CDC42EP2: variants seen among roughly 807,000 people sequenced by gnomAD.
The protein encoded by CDC42EP2 is CDC42 effector protein 2.
Under a neutral mutation model 7.3 loss-of-function variants are expected in CDC42EP2, and 5 were observed. The observed-to-expected ratio is 0.68, with a 90% CI of 0.36 to 1.44. The LOEUF is 1.44. CDC42EP2 is among the 40% of genes most tolerant of loss of function. The probability of loss-of-function intolerance (pLI) is 0.04; values close to 1 mark genes in which losing one functional copy is unlikely to be tolerated. For synonymous variants in CDC42EP2, 113 were observed against 123.6 expected, an observed-to-expected ratio of 0.91 and a Z score of 0.57; for missense variants, 251 against 282.6, an observed-to-expected ratio of 0.89 and a Z score of 0.80.
intron 1 of CDC42EP2, among the ~76,000 whole-genome samples, chr11:65,316,643 T>TCTGTA (rs1949949282): frequency 6.6e-6 from 1 of 152,110 alleles, no homozygotes; most frequent in South Asian, 2.1e-4. Context: ...AGCTTCGACT[T>TCTGTA]CTGTAAAGGG....
chr11:65,318,625 G>A (rs1175408286), intron 1 of CDC42EP2, among the ~76,000 whole-genome samples: 40 of 151,818 alleles, frequency 2.6e-4, no homozygotes, highest in Admixed American at 2.4e-3. Context: ...GGGTTTCACC[G>A]TGTTAGCCAG....
intron 1 of CDC42EP2, among the ~76,000 whole-genome samples, chr11:65,318,028 A>G (rs1565509773): frequency 1.3e-5 from 2 of 151,798 alleles, no homozygotes; most frequent in Admixed American, 1.3e-4. Context: ...ACCCTAGTCA[A>G]GGTAGCCCAT....
Position 65,321,077 on chromosome 11 carries a change from G to A in CDC42EP2, c.179G>A (p.Gly60Asp), listed in dbSNP as rs1469419581. The change falls in exon 2 of 2, where the codon GGC becomes GAC. Residue 60 changes from glycine (G) to aspartate (D), a missense_variant. Transcript: ENST00000279249. The surrounding 1 kb of genome is among the most constrained non-coding windows in gnomAD (Gnocchi z 4.4). ...TTTGGCGACATCTCCTTCCTGCAGGGCAAGTTCCACCTCCTGCCGGGGACC... is the reference window on the plus strand; with the variant it reads ...TTTGGCGACATCTCCTTCCTGCAGGACAAGTTCCACCTCCTGCCGGGGACC... Reference protein sequence around the residue: ...DMFGDISFLQGKFHLLPGTMV... With the variant: ...DMFGDISFLQDKFHLLPGTMV... 1 of 1,614,138 alleles carries A rather than the reference G, an allele frequency of 6.2e-7. No homozygotes were observed. The highest frequency in any genetic ancestry group is 1.1e-5 in the South Asian group (1 of 91,084).
intron 1 of CDC42EP2, among the ~76,000 whole-genome samples, chr11:65,316,699 A>C (rs1354908467): frequency 6.6e-6 from 1 of 152,112 alleles, no homozygotes; most frequent in South Asian, 2.1e-4. Flanking sequence ...TAAGATGAGA[A>C]ACTGTGCGTG....
chr11:65,318,096 A>AT (rs1177378352), intron 1 of CDC42EP2, among the ~76,000 whole-genome samples: 5 of 139,750 alleles, frequency 3.6e-5, no homozygotes, highest in Admixed American at 2.2e-4. Flanking sequence ...TTTTTTTTTA[A>AT]TTTTTTTTAT....
rs1949944774 is a variant in CDC42EP2 at position 65,315,766 on chromosome 11, G to A, written c.-356+812G>A. 1.3e-5 allele frequency among the ~76,000 whole-genome samples: 2 copies of A among 152,194 alleles called. No homozygotes were observed. The highest frequency in any genetic ancestry group is 6.5e-5 in the Admixed American group (1 of 15,288). On this transcript the variant is annotated intron_variant, in intron 1 of 1. Transcript: ENST00000279249. This position sits in a 1 kb window ranked among gnomAD's most constrained non-coding sequence, Gnocchi z 4.1. The stretch of plus-strand genomic sequence containing the variant: ...CGCGCCACCTGGCGGCCGCGGAGCC[G>A]GGCACCTCTCCGGAGGCACCGGGAC...
rs952649869 is a variant in CDC42EP2, at chr11:65,321,683, C to G, written c.*152C>G. The G allele has an allele frequency of 5.2e-5, 37 of 716,602 alleles. No individual in the cohort carries two copies. In the African/African-American group the frequency reaches 6.5e-4, roughly 12 times the overall value. 44.4% of individuals were successfully genotyped at this position (716,602 alleles called of 1,614,324 possible). A position where few individuals can be genotyped will look rare whatever the true frequency, so the allele number is the denominator to read the frequency against. ...CTTCTGAGCCGTGTTTCCCCTCTCCCTCCCTCTCCACGTGGGCAGGGCAGG... is the reference window on the plus strand; with the variant it reads ...CTTCTGAGCCGTGTTTCCCCTCTCCGTCCCTCTCCACGTGGGCAGGGCAGG... On this transcript the variant is annotated 3_prime_UTR_variant, in exon 2 of 2. Transcript: ENST00000279249. This position sits in a 1 kb window ranked among gnomAD's most constrained non-coding sequence, Gnocchi z 4.4.
At chr11:65,316,620 A>G (rs1014896244) in intron 1 of CDC42EP2, among the ~76,000 whole-genome samples, 7 of 152,138 alleles carry the variant, frequency 4.6e-5, no homozygotes, top group Non-Finnish European at 1.0e-4. Context: ...GTTACTTAAC[A>G]TCTCTGAGGT....
In CDC42EP2 at chr11:65,322,177, A is replaced by C. The variant is rs1006205755; in HGVS notation, c.*646A>C. 5 of 167,086 alleles carry C rather than the reference A, an allele frequency of 3.0e-5. No homozygotes were observed. The highest frequency in any genetic ancestry group is 1.2e-4 in the African/African-American group (5 of 41,456). 10.4% of individuals were successfully genotyped at this position (167,086 alleles called of 1,614,324 possible). ...CTGAGGGCTTGCCTCTGGAGACCCC[A>C]GCCCCAGAGGGCTTTGTGGAGGACA... On this transcript the variant is annotated 3_prime_UTR_variant, in exon 2 of 2. Coordinates refer to ENST00000279249, the MANE Select transcript of CDC42EP2 (RefSeq NM_006779.4).
At chr11:65,317,293 C>T (rs368249372) in intron 1 of CDC42EP2, 2 of 152,298 alleles carry the variant, frequency 1.3e-5, no homozygotes, top group Non-Finnish European at 2.9e-5. Flanking sequence ...GGTGTCCGGT[C>T]CTGGGGTGGG....
Position 65,314,891 on chromosome 11 carries a change from GCCGCCGCGCTGTCCAGCTCCTGAGA to G in CDC42EP2, c.-416_-392del, listed in dbSNP as rs1162908070. 6.6e-6 allele frequency: 1 copy of G among 152,094 alleles called. No homozygotes were observed. Among genetic ancestry groups the G allele is most frequent in the Non-Finnish European group, 1.5e-5 (1 of 68,070 alleles). The allele number at this position is 152,094 out of a possible 1,614,324, so 9.4% of individuals were successfully genotyped here. On this transcript the variant is annotated 5_prime_UTR_variant, in exon 1 of 2. Transcript: ENST00000279249. ...GTAAGTTCACCGCCGGTCGGGTCCG[GCCGCCGCGCTGTCCAGCTCCTGAGA>G]CCTTGCTGTCCGCCGGTCTGCCGTC... is the stretch of plus-strand genomic sequence containing the variant.
At chr11:65,320,118 A>C (rs1471352397) in intron 1 of CDC42EP2, among the ~76,000 whole-genome samples, 1 of 152,074 alleles carries the variant, frequency 6.6e-6, no homozygotes, top group Non-Finnish European at 1.5e-5. Context: ...AATTCCCTGC[A>C]AGGGGAGTGC....
rs761633138 is a variant in CDC42EP2 at position 65,321,548 on chromosome 11, G to A, written c.*17G>A. On this transcript the variant is annotated 3_prime_UTR_variant, in exon 2 of 2. Coordinates refer to ENST00000279249, the MANE Select transcript of CDC42EP2 (RefSeq NM_006779.4). The surrounding 1 kb of genome is among the most constrained non-coding windows in gnomAD (Gnocchi z 4.4). ...CCCACATAGGACACGAGGCTGCCTA[G>A]GCTGGGGTCCCAGGTGGGGCCCAGC... 1.9e-6 allele frequency: 3 copies of A among 1,576,222 alleles called. No individual in the cohort carries two copies. The highest frequency in any genetic ancestry group is 2.7e-5 in the African/African-American group (2 of 74,170).
At chr11:65,319,132 A>AT (rs35711764) in intron 1 of CDC42EP2, among the ~76,000 whole-genome samples, 1,488 of 134,018 alleles carry the variant, frequency 0.011, 14 homozygotes, top group South Asian at 0.041. Flanking sequence ...GACACCTCTG[A>AT]TTTTTTTTTT....
rs559018307 is a variant in CDC42EP2 at position 65,322,322 on chromosome 11, G to C, written c.*791G>C. On this transcript the variant is annotated 3_prime_UTR_variant, in exon 2 of 2. Transcript: ENST00000279249. ...TTTGGCAAGAGGTGGCTGAGCACTG[G>C]GGTGGGCTTGGCACTGTGCCAAGCC... The C allele has an allele frequency of 1.2e-5, 2 of 167,100 alleles. No individual in the cohort carries two copies. The highest frequency in any genetic ancestry group is 4.8e-5 in the African/African-American group (2 of 41,574). The allele number at this position is 167,100 out of a possible 1,614,324, so 10.4% of individuals were successfully genotyped here. A position where few individuals can be genotyped will look rare whatever the true frequency, so the allele number is the denominator to read the frequency against.
In CDC42EP2 at chr11:65,315,919, T is replaced by G. The variant is rs1390990594; in HGVS notation, c.-356+965T>G. Among the ~76,000 whole-genome samples, 1 of 152,148 alleles carries G rather than the reference T, an allele frequency of 6.6e-6. No homozygotes were observed. The highest frequency in any genetic ancestry group is 2.4e-5 in the African/African-American group (1 of 41,430). On this transcript the variant is annotated intron_variant, in intron 1 of 1. Transcript: ENST00000279249. This position sits in a 1 kb window ranked among gnomAD's most constrained non-coding sequence, Gnocchi z 4.1. Reference sequence around the variant, plus strand: ...TGTTCAAAGCACTGGCCCCGGAGAATCGAAGTGCTTGAGGAAGGAAGGCCT... The same window carrying G: ...TGTTCAAAGCACTGGCCCCGGAGAAGCGAAGTGCTTGAGGAAGGAAGGCCT...
At position 65,321,795 on chromosome 11, in the gene CDC42EP2, C is replaced by T. The variant is rs1050787978; in HGVS notation, c.*264C>T. 9.3e-6 allele frequency: 4 copies of T among 430,718 alleles called. No homozygotes were observed. Among genetic ancestry groups the T allele is most frequent in the East Asian group, 3.7e-5 (1 of 27,366 alleles). 26.7% of individuals were successfully genotyped at this position (430,718 alleles called of 1,614,324 possible). A position where few individuals can be genotyped will look rare whatever the true frequency, so the allele number is the denominator to read the frequency against. On this transcript the variant is annotated 3_prime_UTR_variant, in exon 2 of 2. Coordinates refer to ENST00000279249, the MANE Select transcript of CDC42EP2 (RefSeq NM_006779.4). The surrounding 1 kb of genome is among the most constrained non-coding windows in gnomAD (Gnocchi z 4.4). ...GCATCTTGGGGCACCTGGACCCCAT[C>T]ACAATACTCCTTCTTCCTTCAGGTC... is the stretch of plus-strand genomic sequence containing the variant.
At position 65,320,828 on chromosome 11, in the gene CDC42EP2, G is replaced by T; in HGVS notation, c.-71G>T. On this transcript the variant is annotated 5_prime_UTR_variant, in exon 2 of 2. It adds an upstream start codon to the 5' untranslated region. Coordinates refer to ENST00000279249, the MANE Select transcript of CDC42EP2 (RefSeq NM_006779.4). The stretch of plus-strand genomic sequence containing the variant: ...TGGAACGAGTGTTTCCTCTGGCTGA[G>T]GGTTGGAGAGGAGGTGTGGTCTCAG... 6.7e-7 allele frequency: 1 copy of T among 1,489,940 alleles called. No homozygotes were observed. The highest frequency in any genetic ancestry group is 9.1e-7 in the Non-Finnish European group (1 of 1,098,626). The allele number at this position is 1,489,940 out of a possible 1,614,324, so 92.3% of individuals were successfully genotyped here.
Position 65,320,657 on chromosome 11 carries a change from T to C in CDC42EP2, c.-242T>C. 1 of 525,798 alleles carries C rather than the reference T, an allele frequency of 1.9e-6. No individual in the cohort carries two copies. Among genetic ancestry groups the C allele is most frequent in the South Asian group, 2.4e-5 (1 of 41,906 alleles). The allele number at this position is 525,798 out of a possible 1,614,324, so 32.6% of individuals were successfully genotyped here. ...AATTCTTCAGAAGAGTTTGCCGTCC[T>C]TTGGGGAGAACGTGATTTTTGTTAT... is the stretch of plus-strand genomic sequence containing the variant. On this transcript the variant is annotated 5_prime_UTR_variant, in exon 2 of 2. Transcript: ENST00000279249.
Sources: gnomAD v4.1 joint callset for allele counts (sites outside exome capture counted in the v4.1 genomes callset) on GRCh38, gnomAD v4.1.1 for gene constraint, Gnocchi (gnomAD v3.1) non-coding constraint, MANE v1.5 for transcripts, NCBI Gene and HGNC (gene_info 2026-07-23, HGNC 2026-07-21) for gene names.